GATD1: variants seen among roughly 807,000 people sequenced by gnomAD.
GATD1 encodes the protein glutamine amidotransferase class 1 domain containing 1, also known as glutamine amidotransferase-like class 1 domain-containing protein 1.
Under a neutral mutation model 25.9 loss-of-function variants are expected in GATD1, and 23 were observed. The ratio of observed to expected loss-of-function variants is 0.89; its 90% CI spans 0.64 to 1.26. GATD1 has a LOEUF of 1.26. GATD1 is among the 50% of genes most tolerant of loss of function. The pLI is 0.00. For synonymous variants in GATD1, 177 were observed against 134.6 expected (o/e 1.31, Z -2.18); for missense variants, 347 against 312.5 (o/e 1.11, Z -0.83).
chr11:767,376 G>A lies in GATD1; in HGVS notation c.*3521C>T, dbSNP rs1427020302. Reference sequence around the variant, plus strand: ...CTGGTGCTGCCCCAAGCCCTGCCCTGGCAAAGAGAGAACTGTGCACAGCGG... The same window carrying A: ...CTGGTGCTGCCCCAAGCCCTGCCCTAGCAAAGAGAGAACTGTGCACAGCGG... On this transcript the variant is annotated 3_prime_UTR_variant, in exon 8 of 8. Coordinates refer to ENST00000319863, the MANE Select transcript of GATD1 (RefSeq NM_182612.4). 6.5e-7 allele frequency: 1 copy of A among 1,535,586 alleles called. No homozygotes were observed. The highest frequency in any genetic ancestry group is 2.4e-5 in the East Asian group (1 of 40,938).
chr11:769,256 G>A lies in GATD1; in HGVS notation c.*1641C>T. On this transcript the variant is annotated 3_prime_UTR_variant, in exon 8 of 8. Coordinates refer to ENST00000319863, the MANE Select transcript of GATD1 (RefSeq NM_182612.4). ...CTGGAGGGACGCAGCCTTCAGGGCG[G>A]GGATGTGGCTGCAGCGCTTCCTTCT... The A allele has an allele frequency of 1.0e-6, 1 of 985,464 alleles. No individual in the cohort carries two copies. The allele number at this position is 985,464 out of a possible 1,614,324, so 61.0% of individuals were successfully genotyped here.
At chr11:777,316 G>T in intron 1 of GATD1, 83 bp downstream of exon 1, 1 of 1,080,140 alleles carries the variant, frequency 9.3e-7, no homozygotes, top group Non-Finnish European at 1.2e-6. Context: ...CGTGACGCGC[G>T]CCCACCGTGT....
rs569374815 is a variant in GATD1, at chr11:770,766, C to T, written c.*131G>A. The T allele has an allele frequency of 1.3e-6, 2 of 1,509,990 alleles. No homozygotes were observed. The highest frequency in any genetic ancestry group is 2.8e-5 in the African/African-American group (2 of 71,836). The allele number at this position is 1,509,990 out of a possible 1,614,324, so 93.5% of individuals were successfully genotyped here. A position where few individuals can be genotyped will look rare whatever the true frequency, so the allele number is the denominator to read the frequency against. On this transcript the variant is annotated 3_prime_UTR_variant, in exon 8 of 8. Coordinates refer to ENST00000319863, the MANE Select transcript of GATD1 (RefSeq NM_182612.4). ...TGATTCCAGGAGGCCTCCAACAATCCCATCAGGGCCAGACCAGGCTGCCAT... is the reference window on the plus strand; with the variant it reads ...TGATTCCAGGAGGCCTCCAACAATCTCATCAGGGCCAGACCAGGCTGCCAT...
In GATD1 at chr11:772,377, G is replaced by C. The variant is rs369285457; in HGVS notation, c.450+50C>G. 31 of 1,301,910 alleles carry C rather than the reference G, an allele frequency of 2.4e-5. No homozygotes were observed. The African/African-American group carries it at 3.8e-4, about 16-fold the overall frequency. 80.6% of individuals were successfully genotyped at this position (1,301,910 alleles called of 1,614,324 possible). A position where few individuals can be genotyped will look rare whatever the true frequency, so the allele number is the denominator to read the frequency against. ...TCCGACCTCACCTCTGGCTGTGATG[G>C]GGGAGGACAGAGCAGGGAGCACAGC... On this transcript the variant is annotated intron_variant, in intron 5 of 7. Coordinates refer to ENST00000319863, the MANE Select transcript of GATD1 (RefSeq NM_182612.4).
At chr11:775,163 T>TG in intron 1 of GATD1, 21 bp from the exon 2 acceptor site, 2 of 1,585,470 alleles carry the variant, frequency 1.3e-6, no homozygotes, top group Non-Finnish European at 1.7e-6. Context: ...TCCCAGTGAG[T>TG]GTGGGCTCGA....
Position 770,423 on chromosome 11 carries a change from C to T in GATD1, c.*474G>A. ...CCTAAAAAATTCCGTTCACCTTTGGCCAAAGTTCTGAGCCAGCTCCCGCCG... is the reference window on the plus strand; with the variant it reads ...CCTAAAAAATTCCGTTCACCTTTGGTCAAAGTTCTGAGCCAGCTCCCGCCG... On this transcript the variant is annotated 3_prime_UTR_variant, in exon 8 of 8. Transcript: ENST00000319863. The T allele has an allele frequency of 6.6e-7, 1 of 1,513,562 alleles. No individual in the cohort carries two copies. Among genetic ancestry groups the T allele is most frequent in the South Asian group, 1.2e-5 (1 of 81,900 alleles). 93.8% of individuals were successfully genotyped at this position (1,513,562 alleles called of 1,614,324 possible).
At chr11:771,538 G>A in intron 5 of GATD1, 112 bp from the exon 6 acceptor site, 2 of 1,428,798 alleles carry the variant, frequency 1.4e-6, no homozygotes, top group South Asian at 1.5e-5. Context: ...GTGGGACCGG[G>A]GGTGTCACTG....
Position 771,104 on chromosome 11 carries a change from G to C in GATD1, c.545C>G (p.Ala182Gly), listed in dbSNP as rs1285178604. 6.3e-7 allele frequency: 1 copy of C among 1,593,704 alleles called. No homozygotes were observed. The highest frequency in any genetic ancestry group is 2.3e-5 in the East Asian group (1 of 43,714). The change falls in exon 7 of 8, where the codon GCA becomes GGA. Residue 182 changes from alanine (A) to glycine (G), a missense_variant and splice_region_variant. Coordinates refer to ENST00000319863, the MANE Select transcript of GATD1 (RefSeq NM_182612.4). ...FVKDSGACFSASEPDAVHVVL... is the reference protein window; with the variant it reads ...FVKDSGACFSGSEPDAVHVVL... ...GACGTGGACAGCGTCAGGCTCGCTT[G>C]CTGGGGAGGACCGAGGGCACCAACC...
chr11:773,889 T>C (rs1863696870), intron 3 of GATD1, 119 bp downstream of exon 3: 3 of 881,928 alleles, frequency 3.4e-6, no homozygotes, highest in Admixed American at 5.2e-5. Flanking sequence ...CTGCCCCAAA[T>C]GGTCACAGGG....
At chr11:773,987 A>C (rs1395442650) in intron 3 of GATD1, 21 bp downstream of exon 3, 25 of 1,606,998 alleles carry the variant, frequency 1.6e-5, no homozygotes, top group Non-Finnish European at 2.1e-5. Context: ...CCCACCCCCA[A>C]GGAGTGGGTC....
In GATD1 at chr11:777,424, C is replaced by A; in HGVS notation, c.39G>T (p.Leu13=). ...SERLPNRPAC[L]LVASGAAEGV... ...CTTCGGCGGCGCCGCTGGCCACGAGCAGACAGGCGGGCCTGTTAGGGAGCC... is the reference window on the plus strand; with the variant it reads ...CTTCGGCGGCGCCGCTGGCCACGAGAAGACAGGCGGGCCTGTTAGGGAGCC... Residue 13 remains leucine, a synonymous_variant, in exon 1 of 8, where the codon CTG becomes CTT. Transcript: ENST00000319863. 7.8e-7 allele frequency: 1 copy of A among 1,290,312 alleles called. No homozygotes were observed. Among genetic ancestry groups the A allele is most frequent in the Non-Finnish European group, 9.8e-7 (1 of 1,018,136 alleles). The allele number at this position is 1,290,312 out of a possible 1,614,324, so 79.9% of individuals were successfully genotyped here.
chr11:767,516 C>T lies in GATD1; in HGVS notation c.*3381G>A. ...CCCGCGTCAGAACCCACTTCACATC[C>T]CAAAGCCCCACCTGCTTTGATCTTC... On this transcript the variant is annotated 3_prime_UTR_variant, in exon 8 of 8. Coordinates refer to ENST00000319863, the MANE Select transcript of GATD1 (RefSeq NM_182612.4). The T allele has an allele frequency of 7.0e-7, 1 of 1,427,246 alleles. No homozygotes were observed. Among genetic ancestry groups the T allele is most frequent in the South Asian group, 1.5e-5 (1 of 66,042 alleles). The allele number at this position is 1,427,246 out of a possible 1,614,324, so 88.4% of individuals were successfully genotyped here. A position where few individuals can be genotyped will look rare whatever the true frequency, so the allele number is the denominator to read the frequency against.
In GATD1 at chr11:770,820, G is replaced by A. The variant is rs1462764417; in HGVS notation, c.*77C>T. 1.2e-5 allele frequency: 19 copies of A among 1,550,262 alleles called. No homozygotes were observed. The highest frequency in any genetic ancestry group is 1.9e-5 in the Admixed American group (1 of 53,988). On this transcript the variant is annotated 3_prime_UTR_variant, in exon 8 of 8. Coordinates refer to ENST00000319863, the MANE Select transcript of GATD1 (RefSeq NM_182612.4). ...GGGCCCTTGTCAGGAGGGAAGAGGC[G>A]GGGTCCCTGAAGCCTGAGACGGGGC...
At position 770,145 on chromosome 11, in the gene GATD1, G is replaced by A. The variant is rs1863305153; in HGVS notation, c.*752C>T. The A allele has an allele frequency of 1.6e-6, 2 of 1,249,872 alleles. No homozygotes were observed. The highest frequency in any genetic ancestry group is 2.0e-6 in the Non-Finnish European group (2 of 996,274). 77.4% of individuals were successfully genotyped at this position (1,249,872 alleles called of 1,614,324 possible). On this transcript the variant is annotated 3_prime_UTR_variant, in exon 8 of 8. Transcript: ENST00000319863. ...TGGAGGGCCACAGCCCAGGCCAGGT[G>A]CCCAGCAGGCTGGACCACTGTCTGC...
Position 770,259 on chromosome 11 carries a change from A to C in GATD1, c.*638T>G. 7.0e-7 allele frequency: 1 copy of C among 1,435,666 alleles called. No individual in the cohort carries two copies. Among genetic ancestry groups the C allele is most frequent in the Non-Finnish European group, 9.2e-7 (1 of 1,091,266 alleles). The allele number at this position is 1,435,666 out of a possible 1,614,324, so 88.9% of individuals were successfully genotyped here. A position where few individuals can be genotyped will look rare whatever the true frequency, so the allele number is the denominator to read the frequency against. ...TTGAGAATCTCATGGTCTCATATTC[A>C]CAAGTAAACGTGCCTCTCAATGCTT... On this transcript the variant is annotated 3_prime_UTR_variant, in exon 8 of 8. Coordinates refer to ENST00000319863, the MANE Select transcript of GATD1 (RefSeq NM_182612.4).
rs1484948488 is a variant in GATD1 at position 775,015 on chromosome 11, A to G, written c.141+51T>C. The stretch of plus-strand genomic sequence containing the variant: ...CAGTCTCCTGACCTTGCCCCCGGAG[A>G]GGTGGAGACAGACCCCAAGTGTCCA... On this transcript the variant is annotated intron_variant, in intron 2 of 7. Coordinates refer to ENST00000319863, the MANE Select transcript of GATD1 (RefSeq NM_182612.4). The G allele has an allele frequency of 2.0e-6, 3 of 1,514,032 alleles. No homozygotes were observed. In the South Asian group the frequency reaches 3.6e-5, roughly 18 times the overall value. 93.8% of individuals were successfully genotyped at this position (1,514,032 alleles called of 1,614,324 possible).
intron 1 of GATD1, chr11:776,879 G>A (rs1370916860): frequency 1.3e-5 from 2 of 152,316 alleles, no homozygotes; most frequent in African/African-American, 2.4e-5. Context: ...CCTTGCCCCA[G>A]GACGGGGGCC....
In GATD1 at chr11:769,947, TC is replaced by T; in HGVS notation, c.*949del. ...AACGGTTTTATAATCACAAGGGGCC[TC>T]CTGGCAGGTCACTGGCACCAGGAGC... On this transcript the variant is annotated 3_prime_UTR_variant, in exon 8 of 8. Coordinates refer to ENST00000319863, the MANE Select transcript of GATD1 (RefSeq NM_182612.4). 2 of 1,004,920 alleles carry T rather than the reference TC, an allele frequency of 2.0e-6. No homozygotes were observed. The highest frequency in any genetic ancestry group is 2.4e-6 in the Non-Finnish European group (2 of 843,156). The allele number at this position is 1,004,920 out of a possible 1,614,324, so 62.3% of individuals were successfully genotyped here. A position where few individuals can be genotyped will look rare whatever the true frequency, so the allele number is the denominator to read the frequency against.
chr11:770,789 C>G lies in GATD1; in HGVS notation c.*108G>C. 2.6e-6 allele frequency: 4 copies of G among 1,529,978 alleles called. No homozygotes were observed. In the South Asian group the frequency reaches 3.8e-5, roughly 15 times the overall value. The allele number at this position is 1,529,978 out of a possible 1,614,324, so 94.8% of individuals were successfully genotyped here. The stretch of plus-strand genomic sequence containing the variant: ...TCCCATCAGGGCCAGACCAGGCTGC[C>G]ATCCAGGGCCCTTGTCAGGAGGGAA... On this transcript the variant is annotated 3_prime_UTR_variant, in exon 8 of 8. Transcript: ENST00000319863.
Sources: gnomAD v4.1 joint callset for allele counts on GRCh38, gnomAD v4.1.1 for gene constraint, MANE v1.5 for transcripts, NCBI Gene and HGNC (gene_info 2026-07-23, HGNC 2026-07-21) for gene names.